The following NCOA1 variants were observed in gnomAD, a reference collection of about 807,000 sequenced individuals.
The protein encoded by NCOA1 is nuclear receptor coactivator 1.
A neutral mutation model predicts 150.9 loss-of-function variants in NCOA1; 35 were observed. The observed-to-expected ratio is 0.23, with a 90% CI of 0.18 to 0.31. NCOA1 has a LOEUF of 0.31. Ranked by LOEUF, NCOA1 falls within the 10% of genes least tolerant of loss-of-function variation. The probability of loss-of-function intolerance (pLI) is 1.00; values close to 1 mark genes in which losing one functional copy is unlikely to be tolerated. For synonymous variants in NCOA1, 590 were observed against 630.0 expected, an observed-to-expected ratio of 0.94 and a Z score of 0.95; for missense variants, 1,491 against 1,749.3, an observed-to-expected ratio of 0.85 and a Z score of 2.63.
intron 1 of NCOA1, among the ~76,000 whole-genome samples, chr2:24,510,294 G>A (rs754191315): frequency 1.3e-5 from 2 of 152,142 alleles, no homozygotes; most frequent in Admixed American, 6.5e-5. Flanking sequence ...TAAGTGATCC[G>A]CCTTGGCCTC....
intron 21 of NCOA1, among the ~76,000 whole-genome samples, chr2:24,761,289 C>T (rs1052342178): frequency 5.3e-5 from 8 of 152,270 alleles, no homozygotes; most frequent in Admixed American, 4.6e-4. Context: ...TGGGGGCTTT[C>T]GAGCACTGGG....
rs1167903392 is a variant in NCOA1 at position 24,729,482 on chromosome 2, C to T, written c.2887-19C>T. 6.3e-7 allele frequency: 1 copy of T among 1,595,808 alleles called. No individual in the cohort carries two copies. The highest frequency in any genetic ancestry group is 8.6e-7 in the Non-Finnish European group (1 of 1,166,714). The stretch of plus-strand genomic sequence containing the variant: ...GGCAGAAATTTATTTGTAAAATATT[C>T]TGGCTTCTTTTCTAACAGGGGGGTG... On this transcript the variant is annotated intron_variant, in intron 16 of 22. Coordinates refer to ENST00000348332, the MANE Select transcript of NCOA1 (RefSeq NM_003743.5).
intron 1 of NCOA1, among the ~76,000 whole-genome samples, chr2:24,507,440 T>TTG (rs1236404691): frequency 4.0e-5 from 6 of 151,114 alleles, no homozygotes; most frequent in East Asian, 2.0e-4. Flanking sequence ...GCTGGGTTTT[T>TTG]TTTTTTTTTT....
At chr2:24,603,555 C>A (rs1214775345) in intron 3 of NCOA1, among the ~76,000 whole-genome samples, 1 of 152,236 alleles carries the variant, frequency 6.6e-6, no homozygotes, top group African/African-American at 2.4e-5. Context: ...CACCAATGTT[C>A]ACACAGTATC....
chr2:24,542,472 T>C (rs1316991807), intron 1 of NCOA1, among the ~76,000 whole-genome samples: 3 of 152,244 alleles, frequency 2.0e-5, no homozygotes, highest in Non-Finnish European at 4.4e-5. Context: ...AAAATTTGGA[T>C]GACTGGCATA....
At chr2:24,732,796 G>A (rs1181993838) in intron 17 of NCOA1, among the ~76,000 whole-genome samples, 7 of 152,046 alleles carry the variant, frequency 4.6e-5, no homozygotes, top group African/African-American at 1.2e-4. Context: ...TACAAATACC[G>A]TAGGCAAACA....
At chr2:24,611,078 G>A (rs1351366752) in intron 3 of NCOA1, among the ~76,000 whole-genome samples, 1 of 152,154 alleles carries the variant, frequency 6.6e-6, no homozygotes, top group African/African-American at 2.4e-5. Context: ...GTACCCAACA[G>A]TTAATTTTTT....
At position 24,648,521 on chromosome 2, in the gene NCOA1, T is replaced by C. The variant is rs2076155364; in HGVS notation, c.-18+4399T>C. 2.0e-5 allele frequency among the ~76,000 whole-genome samples: 3 copies of C among 152,202 alleles called. No individual in the cohort carries two copies. In the South Asian group the frequency reaches 6.2e-4, roughly 31 times the overall value. On this transcript the variant is annotated intron_variant, in intron 4 of 22. Coordinates refer to ENST00000348332, the MANE Select transcript of NCOA1 (RefSeq NM_003743.5). ...CTCCTGACCTCATGATCCACCCGCC[T>C]TGGCCTCCTGAAGCGCTGGGATTAC... is the stretch of plus-strand genomic sequence containing the variant.
chr2:24,496,176 C>T (rs1663203338), intron 1 of NCOA1, among the ~76,000 whole-genome samples: 1 of 152,126 alleles, frequency 6.6e-6, no homozygotes, highest in South Asian at 2.1e-4. Flanking sequence ...ATGCATTTAC[C>T]TCTCTAATTT....
chr2:24,498,556 G>A (rs1390602328), intron 1 of NCOA1, among the ~76,000 whole-genome samples: 7 of 152,138 alleles, frequency 4.6e-5, no homozygotes, highest in Admixed American at 3.3e-4. Flanking sequence ...AGCATTGAGG[G>A]CAGGGGATGA....
chr2:24,704,858 T>C (rs528334854), intron 11 of NCOA1, among the ~76,000 whole-genome samples: 2 of 152,146 alleles, frequency 1.3e-5, no homozygotes, highest in African/African-American at 2.4e-5. Context: ...GAGGCACCCA[T>C]TCAACTATGA....
At chr2:24,542,608 G>A (rs1665443927) in intron 1 of NCOA1, among the ~76,000 whole-genome samples, 1 of 152,106 alleles carries the variant, frequency 6.6e-6, no homozygotes, top group Non-Finnish European at 1.5e-5. Context: ...TCGCCAAATA[G>A]CATTGGTTTT....
chr2:24,762,693 G>A lies in NCOA1; in HGVS notation c.4072G>A (p.Asp1358Asn). The part of the protein sequence containing the change: ...MNTVCPEQIN[D>N]PALRHTGLYC... ...TTGTATTTATCTTTAATAGATAAAT[G>A]ATCCCGCACTGAGACACACAGGCCT... Residue 1358 changes from aspartate to asparagine, a missense_variant, in exon 22 of 23, where the codon GAT (aspartate) becomes AAT (asparagine). By Grantham distance (23) the Asp-to-Asn change is conservative (BLOSUM62 1). Around this residue, in one of 8 missense-constraint regions of NCOA1, gnomAD observed 485 missense variants for 522.8 expected, o/e 0.93. Coordinates refer to ENST00000348332, the MANE Select transcript of NCOA1 (RefSeq NM_003743.5). 1.9e-6 allele frequency: 3 copies of A among 1,613,388 alleles called. No homozygotes were observed. Among genetic ancestry groups the A allele is most frequent in the Non-Finnish European group, 2.5e-6 (3 of 1,179,482 alleles).
intron 3 of NCOA1, among the ~76,000 whole-genome samples, chr2:24,607,734 A>G (rs1473468706): frequency 6.6e-6 from 1 of 151,960 alleles, no homozygotes; most frequent in African/African-American, 2.4e-5. Flanking sequence ...TTCTTACACT[A>G]TTTGGTTTTG....
intron 11 of NCOA1, among the ~76,000 whole-genome samples, chr2:24,704,331 CAT>C (rs1206217346): frequency 3.3e-5 from 5 of 151,848 alleles, no homozygotes; most frequent in Non-Finnish European, 7.4e-5. Flanking sequence ...GTGTGTCAGT[CAT>C]ATCTTAGTAG....
chr2:24,764,144 T>C (rs750341231), intron 22 of NCOA1, among the ~76,000 whole-genome samples: 10 of 152,204 alleles, frequency 6.6e-5, no homozygotes, highest in Non-Finnish European at 1.5e-4. Flanking sequence ...CGAGGTAGTA[T>C]TCCTTTTCTT....
chr2:24,736,929 G>A (rs1663340541), intron 17 of NCOA1, among the ~76,000 whole-genome samples: 1 of 152,138 alleles, frequency 6.6e-6, no homozygotes, highest in Non-Finnish European at 1.5e-5. Context: ...AGGACTTCTT[G>A]GTAAAGCACT....
At chr2:24,725,324 A>G (rs1445761481) in intron 14 of NCOA1, among the ~76,000 whole-genome samples, 1 of 152,080 alleles carries the variant, frequency 6.6e-6, no homozygotes, top group East Asian at 1.9e-4. Flanking sequence ...ATTTTCTCAC[A>G]ATTCTGGAAG....
At chr2:24,535,002 C>T (rs1033834143) in intron 1 of NCOA1, among the ~76,000 whole-genome samples, 1 of 152,134 alleles carries the variant, frequency 6.6e-6, no homozygotes, top group Admixed American at 6.5e-5. Flanking sequence ...CCTGGATATC[C>T]TTGTTAACCT....
Sources: allele counts gnomAD v4.1 joint callset (sites outside exome capture counted in the v4.1 genomes callset), GRCh38; gene constraint gnomAD v4.1.1; regional missense constraint gnomAD v4.1.1; transcripts MANE v1.5; gene names NCBI Gene and HGNC (gene_info 2026-07-23, HGNC 2026-07-21).